MMRN1: variants seen among roughly 807,000 people sequenced by gnomAD.
The protein encoded by MMRN1 is multimerin 1.
Under a neutral mutation model 100.7 loss-of-function variants are expected in MMRN1, and 94 were observed. The ratio of observed to expected loss-of-function variants is 0.93; its 90% CI spans 0.79 to 1.11. The LOEUF is 1.11. MMRN1 is among the 50% of genes least tolerant of loss of function. The pLI, the probability that MMRN1 is intolerant of heterozygous loss-of-function variation, is 0.00. For synonymous variants in MMRN1, 575 were observed against 505.0 expected (o/e 1.14, Z -1.86); for missense variants, 1,606 against 1,439.1 (o/e 1.12, Z -1.88).
At chr4:89,939,112 T>C (rs779350371) in intron 6 of MMRN1, among the ~76,000 whole-genome samples, 1 of 152,182 alleles carries the variant, frequency 6.6e-6, no homozygotes, top group African/African-American at 2.4e-5. Flanking sequence ...CCTGTAAGAA[T>C]AGAACAATTG....
chr4:89,914,617 A>G (rs1210084600), intron 3 of MMRN1, among the ~76,000 whole-genome samples: 1 of 151,564 alleles, frequency 6.6e-6, no homozygotes, highest in African/African-American at 2.4e-5. Context: ...TTCTCTTTTC[A>G]AACATATATA....
intron 3 of MMRN1, among the ~76,000 whole-genome samples, chr4:89,913,000 C>T (rs1485881341): frequency 6.6e-6 from 1 of 151,042 alleles, no homozygotes; most frequent in African/African-American, 2.4e-5. Flanking sequence ...TATATTCAGA[C>T]TACAGAATGA....
Position 89,911,925 on chromosome 4 carries a change from C to A in MMRN1, c.744-19C>A. On this transcript the variant is annotated intron_variant, in intron 2 of 7. Transcript: ENST00000264790. ...GTGAAACAAATAATCGATTTCCCTC[C>A]AATTGCTCAACTCTCTAGATCTCAG... is the stretch of plus-strand genomic sequence containing the variant. 6.8e-7 allele frequency: 1 copy of A among 1,467,922 alleles called. No homozygotes were observed. The highest frequency in any genetic ancestry group is 9.5e-7 in the Non-Finnish European group (1 of 1,057,858). 90.9% of individuals were successfully genotyped at this position (1,467,922 alleles called of 1,614,324 possible).
chr4:89,882,414 G>T (rs972831041), intron 1 of MMRN1, among the ~76,000 whole-genome samples: 3 of 151,572 alleles, frequency 2.0e-5, no homozygotes, highest in African/African-American at 7.3e-5. Context: ...GATTTTAAGA[G>T]GACATGAATG....
chr4:89,902,093 G>C (rs1721407600), intron 1 of MMRN1: 1 of 128,780 alleles, frequency 7.8e-6, no homozygotes, highest in Non-Finnish European at 1.6e-5. Context: ...TGCAAGGAAG[G>C]GGGAAACAAA....
chr4:89,940,503 T>C (rs1260905328), intron 6 of MMRN1, among the ~76,000 whole-genome samples: 1 of 152,006 alleles, frequency 6.6e-6, no homozygotes, highest in Non-Finnish European at 1.5e-5. Context: ...TTAACTGTCT[T>C]ATATCACATT....
chr4:89,945,242 C>T (rs1032299976), intron 6 of MMRN1, among the ~76,000 whole-genome samples: 16 of 151,896 alleles, frequency 1.1e-4, no homozygotes, highest in Non-Finnish European at 1.8e-4. Context: ...ATCTATTTAC[C>T]AGTTGAAGGA....
At chr4:89,886,244 GAT>G (rs1163842946) in intron 1 of MMRN1, among the ~76,000 whole-genome samples, 1 of 151,744 alleles carries the variant, frequency 6.6e-6, no homozygotes, top group African/African-American at 2.4e-5. Context: ...CACAAAATTT[GAT>G]ATGTTTTGAT....
At chr4:89,943,018 G>T (rs1162517844) in intron 6 of MMRN1, among the ~76,000 whole-genome samples, 1 of 152,124 alleles carries the variant, frequency 6.6e-6, no homozygotes, top group Admixed American at 6.6e-5. Flanking sequence ...GAAACTCTGG[G>T]TGTGGGTGAG....
intron 4 of MMRN1, 130 bp downstream of exon 4, chr4:89,923,402 T>A (rs1722151887): frequency 2.4e-6 from 2 of 830,340 alleles, no homozygotes; most frequent in African/African-American, 3.4e-5. Context: ...CTCAGTCCTT[T>A]TCTACTGGTG....
chr4:89,909,299 C>G lies in MMRN1; in HGVS notation c.647C>G (p.Thr216Ser). Reference protein sequence around the residue: ...RGKNWCAYVHTRLSPTVILDN... With the variant: ...RGKNWCAYVHSRLSPTVILDN... ...AGGAATTGGTGTGCTTATGTACATA[C>G]CAGGTTATCTCCCACAGTGATATTG... The change falls in exon 2 of 8, where the codon ACC (threonine) becomes AGC (serine). Residue 216 changes from threonine to serine, a missense_variant. Physicochemically the swap from Thr to Ser is moderately conservative, Grantham distance 58. Transcript: ENST00000264790. 2 of 1,609,558 alleles carry G rather than the reference C, an allele frequency of 1.2e-6. No individual in the cohort carries two copies. Among genetic ancestry groups the G allele is most frequent in the South Asian group, 1.1e-5 (1 of 90,872 alleles).
intron 6 of MMRN1, among the ~76,000 whole-genome samples, chr4:89,945,480 G>A (rs1201771640): frequency 3.3e-5 from 5 of 152,072 alleles, no homozygotes; most frequent in Non-Finnish European, 7.4e-5. Flanking sequence ...ATTTTTGCCA[G>A]CACTTGACAT....
At chr4:89,921,354 A>G (rs1722083199) in intron 3 of MMRN1, among the ~76,000 whole-genome samples, 2 of 152,156 alleles carry the variant, frequency 1.3e-5, no homozygotes, top group African/African-American at 2.4e-5. Context: ...GGTGATGCTC[A>G]TACTGCTGAT....
rs28516583 is a variant in MMRN1, at chr4:89,914,101, A to G, written c.850+2051A>G. Among the ~76,000 whole-genome samples the G allele has an allele frequency of 2.3e-3, 349 of 151,428 alleles. 2 individuals are homozygous for G. The highest frequency in any genetic ancestry group is 8.3e-3 in the African/African-American group (343 of 41,448). ...GTCCTTTGTCCCTTGAACCTTCATT[A>G]TATCTCTCCTGGGAGGATATTTGCA... is the stretch of plus-strand genomic sequence containing the variant. On this transcript the variant is annotated intron_variant, in intron 3 of 7. Coordinates refer to ENST00000264790, the MANE Select transcript of MMRN1 (RefSeq NM_007351.3).
At chr4:89,947,195 T>A (rs981974273) in intron 6 of MMRN1, among the ~76,000 whole-genome samples, 1 of 152,084 alleles carries the variant, frequency 6.6e-6, no homozygotes, top group Non-Finnish European at 1.5e-5. Context: ...GGCAGGAGAA[T>A]AGCTTAAGTC....
chr4:89,908,179 A>G (rs1721630818), intron 1 of MMRN1, among the ~76,000 whole-genome samples: 1 of 151,284 alleles, frequency 6.6e-6, no homozygotes, highest in Non-Finnish European at 1.5e-5. Flanking sequence ...GTTCCCAGGC[A>G]CAAAACTAGA....
At chr4:89,907,230 G>A (rs1382915142) in intron 1 of MMRN1, among the ~76,000 whole-genome samples, 1 of 150,512 alleles carries the variant, frequency 6.6e-6, no homozygotes, top group Non-Finnish European at 1.5e-5. Flanking sequence ...CATTATTTTT[G>A]CCTCAATTGT....
intron 1 of MMRN1, among the ~76,000 whole-genome samples, chr4:89,886,387 C>A (rs114838324): frequency 0.018 from 2,736 of 152,164 alleles, 36 homozygotes; most frequent in Non-Finnish European, 0.029. Context: ...TGTAACTTAA[C>A]AGTTTTGTGT....
intron 5 of MMRN1, among the ~76,000 whole-genome samples, chr4:89,928,416 T>A (rs1479238505): frequency 6.6e-6 from 1 of 152,138 alleles, no homozygotes; most frequent in Non-Finnish European, 1.5e-5. Context: ...TGGTGTAAAA[T>A]CTATTAAATA....
Sources: gnomAD v4.1 joint callset for allele counts (sites outside exome capture counted in the v4.1 genomes callset) on GRCh38, gnomAD v4.1.1 for gene constraint, MANE v1.5 for transcripts, NCBI Gene and HGNC (gene_info 2026-07-23, HGNC 2026-07-21) for gene names.